Variants in REPS1 observed in about 807,000 individuals in gnomAD.
REPS1 encodes the protein ralBP1-associated Eps domain-containing protein 1.
A neutral mutation model predicts 100.9 loss-of-function variants in REPS1; 39 were observed. The ratio of observed to expected loss-of-function variants is 0.39; its 90% CI spans 0.30 to 0.50. The LOEUF is 0.50. Among genes scored for constraint, REPS1 ranks in the 20% least tolerant of loss-of-function variants. The pLI, the probability that REPS1 is intolerant of heterozygous loss-of-function variation, is 0.86. For synonymous variants in REPS1, 324 were observed against 340.3 expected (o/e 0.95, Z 0.53); for missense variants, 821 against 968.5 (o/e 0.85, Z 2.02).
intron 8 of REPS1, among the ~76,000 whole-genome samples, chr6:138,932,151 G>A (rs1314460782): frequency 6.6e-6 from 1 of 152,100 alleles, no homozygotes; most frequent in Non-Finnish European, 1.5e-5. Flanking sequence ...ACAGATTCTG[G>A]GAATATTTCT....
intron 8 of REPS1, among the ~76,000 whole-genome samples, chr6:138,936,109 A>T (rs1011185570): frequency 2.0e-5 from 3 of 152,134 alleles, no homozygotes; most frequent in African/African-American, 7.2e-5. Flanking sequence ...ACAATTGCAA[A>T]GGAAAAAGGT....
intron 7 of REPS1, among the ~76,000 whole-genome samples, chr6:138,942,500 G>A (rs916431136): frequency 6.6e-6 from 1 of 151,930 alleles, no homozygotes; most frequent in African/African-American, 2.4e-5. Flanking sequence ...ACAGTGCTGT[G>A]GTATGACCTC....
At chr6:138,950,020 C>G (rs1404805104) in intron 1 of REPS1, among the ~76,000 whole-genome samples, 3 of 152,100 alleles carry the variant, frequency 2.0e-5, no homozygotes, top group Admixed American at 6.5e-5. Flanking sequence ...GTCATTTCCC[C>G]TTTAGGACTT....
chr6:138,930,168 T>C, intron 8 of REPS1, 70 bp from the exon 9 acceptor site: 3 of 1,365,066 alleles, frequency 2.2e-6, no homozygotes, highest in Non-Finnish European at 3.0e-6. Context: ...TATTTACTTA[T>C]TAAAAAAAAG....
At chr6:138,965,741 C>T (rs919864504) in intron 1 of REPS1, among the ~76,000 whole-genome samples, 2 of 152,126 alleles carry the variant, frequency 1.3e-5, no homozygotes, top group Non-Finnish European at 1.5e-5. Context: ...CATGGAAAGA[C>T]AACACCTGCA....
chr6:138,984,412 A>G (rs995825981), intron 1 of REPS1, among the ~76,000 whole-genome samples: 1 of 151,866 alleles, frequency 6.6e-6, no homozygotes, highest in Non-Finnish European at 1.5e-5. Flanking sequence ...CACTCCCACC[A>G]CTATAGTCCA....
At chr6:138,955,456 A>AGTGTGTGTGTGTGTG (rs1562552291) in intron 1 of REPS1, among the ~76,000 whole-genome samples, 6 of 46,856 alleles carry the variant, frequency 1.3e-4, no homozygotes, top group African/African-American at 5.6e-4. Context: ...AAAAAAAAAA[A>AGTGTGTGTGTGTGTG]AGTGTGTGTG....
chr6:138,925,689 GA>G (rs1781071810), intron 10 of REPS1, among the ~76,000 whole-genome samples: 1 of 150,256 alleles, frequency 6.7e-6, no homozygotes, highest in Admixed American at 6.6e-5. Context: ...GAGAGAGAAA[GA>G]AAAAGAAAAA....
At position 138,947,027 on chromosome 6, in the gene REPS1, T is replaced by C. The variant is rs892969456; in HGVS notation, c.277+763A>G. Among the ~76,000 whole-genome samples, 42 of 126,350 alleles carry C rather than the reference T, an allele frequency of 3.3e-4. 1 individual carries two copies. Among genetic ancestry groups the C allele is most frequent in the Non-Finnish European group, 1.2e-4 (7 of 59,996 alleles). The allele number at this position is 126,350 out of a possible 152,430, so 82.9% of individuals were successfully genotyped here. A position where few individuals can be genotyped will look rare whatever the true frequency, so the allele number is the denominator to read the frequency against. On this transcript the variant is annotated intron_variant, in intron 2 of 19. Coordinates refer to ENST00000450536, the MANE Select transcript of REPS1 (RefSeq NM_001286611.2). ...TGATGGTTTAAATGTCTGTGGCTAT[T>C]CCCCCTTGCTCTCTCTCTCTCTCTC...
Position 138,925,583 on chromosome 6 carries a change from G to A in REPS1, c.1338+818C>T, listed in dbSNP as rs149476913. ...CTACTCAGCTCATTTTAAAAATTCT[G>A]CCTTTACACATTTCTTCACTTTCTG... On this transcript the variant is annotated intron_variant, in intron 10 of 19. Coordinates refer to ENST00000450536, the MANE Select transcript of REPS1 (RefSeq NM_001286611.2). Among the ~76,000 whole-genome samples, 802 of 150,864 alleles carry A rather than the reference G, an allele frequency of 5.3e-3. 6 individuals are homozygous for A. Among genetic ancestry groups the A allele is most frequent in the Middle Eastern group, 0.01 (3 of 292 alleles).
intron 12 of REPS1, among the ~76,000 whole-genome samples, chr6:138,918,911 T>C (rs1270306686): frequency 1.3e-5 from 2 of 152,184 alleles, no homozygotes; most frequent in Non-Finnish European, 2.9e-5. Flanking sequence ...ACTACATATG[T>C]TCAAGAGTCA....
chr6:138,917,737 G>A (rs990836492), intron 12 of REPS1, 110 bp from the exon 13 acceptor site: 2 of 815,254 alleles, frequency 2.5e-6, no homozygotes. Context: ...GATAGTCAAA[G>A]ATTGGCTAAT....
intron 8 of REPS1, among the ~76,000 whole-genome samples, chr6:138,932,769 G>A (rs73561634): frequency 0.089 from 13,509 of 152,100 alleles, 1,257 homozygotes; most frequent in African/African-American, 0.23. Flanking sequence ...GGTATCGCGC[G>A]GGCATTTTTT....
Position 138,945,648 on chromosome 6 carries a change from T to C in REPS1, c.327A>G (p.Glu109=), listed in dbSNP as rs1264459471. The change falls in exon 3 of 20, where the codon GAA becomes GAG. Residue 109 remains glutamate (E), a synonymous_variant. Coordinates refer to ENST00000450536, the MANE Select transcript of REPS1 (RefSeq NM_001286611.2). ...AAGAATATGAGGCTGCATGGCGAGA[T>C]TCCTGTTCATTCTTTGAAGCAACAA... ...PRFVASKNEQ[E]SRHAASYSSD... 2.5e-6 allele frequency: 4 copies of C among 1,611,994 alleles called. No homozygotes were observed. The highest frequency in any genetic ancestry group is 8.5e-7 in the Non-Finnish European group (1 of 1,179,324).
intron 4 of REPS1, 90 bp downstream of exon 4, chr6:138,945,129 G>T (rs1392419002): frequency 3.4e-6 from 4 of 1,164,594 alleles, no homozygotes; most frequent in Non-Finnish European, 2.3e-6. Flanking sequence ...ACCTACTCAG[G>T]AGGCTGAGGC....
chr6:138,936,285 T>C (rs1448596846), intron 8 of REPS1, among the ~76,000 whole-genome samples: 1 of 152,066 alleles, frequency 6.6e-6, no homozygotes, highest in Non-Finnish European at 1.5e-5. Context: ...CTCGAACTCC[T>C]AGCCTCAAGT....
chr6:138,945,396 A>G (rs1400614128), intron 3 of REPS1, 24 bp from the exon 4 acceptor site: 2 of 1,592,054 alleles, frequency 1.3e-6, no homozygotes, highest in Non-Finnish European at 1.7e-6. Flanking sequence ...TTATTTTAAA[A>G]TTTTAACTTT....
chr6:138,944,001 T>C lies in REPS1; in HGVS notation c.768A>G (p.Val256=). ...HPASVQDQTT[V]RTVASATTAI... ...CAGTTGTAGCTGATGCTACAGTTCG[T>C]ACTGTTGTCTGGTCCTGTAATGAAA... The change falls in exon 6 of 20, where the codon GTA becomes GTG. Residue 256 remains valine (V), a synonymous_variant. Transcript: ENST00000450536. 1 of 1,613,924 alleles carries C rather than the reference T, an allele frequency of 6.2e-7. No individual in the cohort carries two copies. Among genetic ancestry groups the C allele is most frequent in the Non-Finnish European group, 8.5e-7 (1 of 1,179,886 alleles).
At chr6:138,974,786 G>C in intron 1 of REPS1, among the ~76,000 whole-genome samples, 1 of 152,046 alleles carries the variant, frequency 6.6e-6, no homozygotes, top group Non-Finnish European at 1.5e-5. Flanking sequence ...GGTGGTTCAC[G>C]CCTGTAATCC....
Sources: gnomAD v4.1 joint callset for allele counts (sites outside exome capture counted in the v4.1 genomes callset) on GRCh38, gnomAD v4.1.1 for gene constraint, MANE v1.5 for transcripts, NCBI Gene and HGNC (gene_info 2026-07-23, HGNC 2026-07-21) for gene names.